PABPC4L: variants seen among roughly 807,000 people sequenced by gnomAD.
PABPC4L encodes poly(A) binding protein cytoplasmic 4 like.
For synonymous variants in PABPC4L, 169 were observed against 164.1 expected (o/e 1.03, Z -0.23); for missense variants, 452 against 451.4 (o/e 1.00, Z -0.01).
the PABPC4L span, among the ~76,000 whole-genome samples, chr4:133,954,487 C>G: frequency 2.4e-4 from 36 of 152,010 alleles, no homozygotes; most frequent in African/African-American, 7.2e-4. Flanking sequence ...CCAGGTAAAA[C>G]AGCAAAACTT....
the PABPC4L span, among the ~76,000 whole-genome samples, chr4:134,135,364 A>G: frequency 0.022 from 3,413 of 152,204 alleles, 130 homozygotes; most frequent in African/African-American, 0.077. Flanking sequence ...TTTCTGAAAC[A>G]GTCTTTACCC....
At chr4:134,038,747 T>A in the PABPC4L span, among the ~76,000 whole-genome samples, 3 of 152,110 alleles carry the variant, frequency 2.0e-5, no homozygotes, top group African/African-American at 7.2e-5. Flanking sequence ...GGTCTATCTA[T>A]TTTGTTGATC....
chr4:133,990,082 A>C, the PABPC4L span, among the ~76,000 whole-genome samples: 1 of 152,130 alleles, frequency 6.6e-6, no homozygotes, highest in Non-Finnish European at 1.5e-5. Flanking sequence ...GGATCATAGG[A>C]ACTACATTCA....
At chr4:133,972,415 C>G in the PABPC4L span, among the ~76,000 whole-genome samples, 1 of 151,996 alleles carries the variant, frequency 6.6e-6, no homozygotes, top group Non-Finnish European at 1.5e-5. Flanking sequence ...ACACATACCC[C>G]CCTGTTTTCA....
At chr4:134,055,686 TGA>T in the PABPC4L span, among the ~76,000 whole-genome samples, 1 of 151,554 alleles carries the variant, frequency 6.6e-6, no homozygotes, top group African/African-American at 2.4e-5. Context: ...TTTTTAATGT[TGA>T]GTTTCAAGAG....
chr4:134,192,084 T>C (rs1455822460), downstream of PABPC4L, among the ~76,000 whole-genome samples: 2 of 152,070 alleles, frequency 1.3e-5, no homozygotes, highest in Non-Finnish European at 2.9e-5. Flanking sequence ...TTCATAGCAG[T>C]AGTATTCATT....
chr4:133,996,073 G>T, the PABPC4L span, among the ~76,000 whole-genome samples: 1 of 152,146 alleles, frequency 6.6e-6, no homozygotes, highest in Non-Finnish European at 1.5e-5. Flanking sequence ...GGGTCCCATA[G>T]CTGTAGCATA....
At position 134,198,740 on chromosome 4, in the gene PABPC4L, G is replaced by A. The variant is rs1015596542; in HGVS notation, c.*1167C>T. 2.0e-5 allele frequency: 3 copies of A among 152,016 alleles called. No individual in the cohort carries two copies. The highest frequency in any genetic ancestry group is 4.4e-5 in the Non-Finnish European group (3 of 67,806). 9.4% of individuals were successfully genotyped at this position (152,016 alleles called of 1,614,324 possible). On this transcript the variant is annotated 3_prime_UTR_variant, in exon 2 of 2. Transcript: ENST00000421491. Reference sequence around the variant, plus strand: ...CCTTTAGAAAGTATTTTAAAAAGCTGAGGAATATAGATGAAAGGCAGGAGA... The same window carrying A: ...CCTTTAGAAAGTATTTTAAAAAGCTAAGGAATATAGATGAAAGGCAGGAGA...
chr4:134,137,620 T>A, the PABPC4L span, among the ~76,000 whole-genome samples: 1 of 151,936 alleles, frequency 6.6e-6, no homozygotes, highest in East Asian at 1.9e-4. Context: ...GAGTTCTTTT[T>A]TATTCCTTAT....
In PABPC4L at chr4:134,200,323, C is replaced by CA. The variant is rs1223025413; in HGVS notation, c.696dup (p.Gly233TrpfsTer6). The CA allele has an allele frequency of 1.3e-6, 2 of 1,594,496 alleles. No individual in the cohort carries two copies. Among genetic ancestry groups the CA allele is most frequent in the African/African-American group, 2.7e-5 (2 of 74,294 alleles). ...TCATGGCTATCAAAACTCACAAAGC[C>CA]AAAGCCTTTGGATTTCCCACTGGAA... On this transcript the variant is annotated frameshift_variant, in exon 2 of 2. Coordinates refer to ENST00000421491, the MANE Select transcript of PABPC4L (RefSeq NM_001114734.2). LOFTEE classifies it low-confidence loss of function (END_TRUNC).
the PABPC4L span, among the ~76,000 whole-genome samples, chr4:134,039,696 A>C: frequency 6.6e-6 from 1 of 151,836 alleles, no homozygotes; most frequent in East Asian, 1.9e-4. Context: ...CTATCCCTTT[A>C]TGTTGAGCCT....
At chr4:133,985,984 T>C in the PABPC4L span, among the ~76,000 whole-genome samples, 4 of 152,128 alleles carry the variant, frequency 2.6e-5, no homozygotes, top group Admixed American at 2.6e-4. Flanking sequence ...TGCAGAACGT[T>C]ACAGCACTTG....
the PABPC4L span, among the ~76,000 whole-genome samples, chr4:134,062,730 G>A: frequency 5.9e-5 from 9 of 151,960 alleles, no homozygotes; most frequent in African/African-American, 2.2e-4. Flanking sequence ...AAATAATTCA[G>A]TGATATCACT....
At chr4:134,035,684 A>G in the PABPC4L span, among the ~76,000 whole-genome samples, 6 of 151,990 alleles carry the variant, frequency 3.9e-5, no homozygotes, top group Non-Finnish European at 5.9e-5. Context: ...AAAAAGTATC[A>G]CTATACTAAT....
the PABPC4L span, among the ~76,000 whole-genome samples, chr4:134,119,006 C>T: frequency 2.6e-5 from 4 of 151,662 alleles, no homozygotes; most frequent in African/African-American, 4.8e-5. Flanking sequence ...TAAGGTACTA[C>T]ATATAAATGC....
the PABPC4L span, among the ~76,000 whole-genome samples, chr4:133,993,254 T>A: frequency 6.6e-6 from 1 of 152,126 alleles, no homozygotes; most frequent in African/African-American, 2.4e-5. Flanking sequence ...TCTGAGCATA[T>A]TTTTAAGAGT....
At chr4:133,985,994 G>A in the PABPC4L span, among the ~76,000 whole-genome samples, 2 of 151,990 alleles carry the variant, frequency 1.3e-5, no homozygotes, top group Admixed American at 6.6e-5. Flanking sequence ...TACAGCACTT[G>A]TTTTATATTG....
At chr4:133,978,000 A>G in the PABPC4L span, 1 of 152,196 alleles carries the variant, frequency 6.6e-6, no homozygotes, top group African/African-American at 2.4e-5. Context: ...CTCTTTTGGC[A>G]TGTGTAGTAA....
At chr4:134,008,973 T>C in the PABPC4L span, among the ~76,000 whole-genome samples, 22,048 of 151,676 alleles carry the variant, frequency 0.15, 1,925 homozygotes, top group Non-Finnish European at 0.19. Flanking sequence ...ATGGTAAACA[T>C]AGAGATATAA....
Sources: gnomAD v4.1 joint callset for allele counts (sites outside exome capture counted in the v4.1 genomes callset) on GRCh38, gnomAD v4.1.1 for gene constraint, MANE v1.5 for transcripts, NCBI Gene and HGNC (gene_info 2026-07-23, HGNC 2026-07-21) for gene names.